The following CERS6 variants were observed in gnomAD, a reference collection of about 807,000 sequenced individuals.
CERS6 encodes the protein ceramide synthase 6.
Under a neutral mutation model 56.8 loss-of-function variants are expected in CERS6, and 26 were observed. The ratio of observed to expected loss-of-function variants is 0.46; its 90% confidence interval spans 0.34 to 0.63. The LOEUF is 0.63. Among genes scored for constraint, CERS6 ranks in the 30% least tolerant of loss-of-function variants. The pLI is 0.01. For synonymous variants in CERS6, 164 were observed against 173.3 expected (o/e 0.95, Z 0.42); for missense variants, 415 against 467.5 (o/e 0.89, Z 1.04).
At chr2:168,751,160 T>C (rs951763746) in intron 8 of CERS6, among the ~76,000 whole-genome samples, 6 of 152,302 alleles carry the variant, frequency 3.9e-5, no homozygotes, top group African/African-American at 1.4e-4. Context: ...GCAGGAAGTG[T>C]CAGGTTAAAA....
intron 3 of CERS6, among the ~76,000 whole-genome samples, chr2:168,579,299 CT>C (rs928697128): frequency 1.3e-5 from 2 of 151,044 alleles, no homozygotes; most frequent in African/African-American, 4.9e-5. Flanking sequence ...GCAGCCCTCA[CT>C]TTTTTTTTAT....
chr2:168,653,035 A>G (rs993538295), intron 4 of CERS6, among the ~76,000 whole-genome samples: 2 of 152,262 alleles, frequency 1.3e-5, no homozygotes, highest in Non-Finnish European at 2.9e-5. Flanking sequence ...AATAAAATGC[A>G]CATGAAGTCT....
At chr2:168,517,936 G>C (rs1285596585) in intron 1 of CERS6, among the ~76,000 whole-genome samples, 1 of 152,138 alleles carries the variant, frequency 6.6e-6, no homozygotes, top group Non-Finnish European at 1.5e-5. Flanking sequence ...TAAGATGCGT[G>C]CCCTTAATCA....
At chr2:168,671,885 G>A (rs1278646792) in intron 4 of CERS6, among the ~76,000 whole-genome samples, 4 of 152,106 alleles carry the variant, frequency 2.6e-5, no homozygotes, top group Non-Finnish European at 5.9e-5. Context: ...TATTTTTATG[G>A]TGGCAAAACC....
intron 4 of CERS6, among the ~76,000 whole-genome samples, chr2:168,631,559 T>TTATATATTAAATATAATATATATTTAA (rs1158569265): frequency 1.7e-5 from 2 of 117,808 alleles, no homozygotes; most frequent in African/African-American, 6.7e-5. Context: ...TTTTTAATAT[T>TTATATATTAAATATAATATATATTTAA]TATATATTAA....
intron 3 of CERS6, among the ~76,000 whole-genome samples, chr2:168,572,440 A>G (rs1342259247): frequency 3.3e-5 from 5 of 152,094 alleles, no homozygotes; most frequent in Admixed American, 3.3e-4. Flanking sequence ...ACCTGACCCA[A>G]CACCACACAG....
chr2:168,629,611 A>T (rs1304481592), intron 3 of CERS6, among the ~76,000 whole-genome samples: 1 of 152,148 alleles, frequency 6.6e-6, no homozygotes, highest in African/African-American at 2.4e-5. Context: ...CTTGTTCAAC[A>T]ACTATTAAGA....
intron 8 of CERS6, among the ~76,000 whole-genome samples, chr2:168,729,231 A>C (rs1683445797): frequency 6.6e-6 from 1 of 152,184 alleles, no homozygotes; most frequent in Non-Finnish European, 1.5e-5. Context: ...GAGTGTCGTA[A>C]TAAAGTCTCA....
At chr2:168,733,908 C>CA (rs1683631734) in intron 8 of CERS6, among the ~76,000 whole-genome samples, 1 of 152,108 alleles carries the variant, frequency 6.6e-6, no homozygotes, top group Non-Finnish European at 1.5e-5. Flanking sequence ...ATCAGATTGC[C>CA]AATACTTTGC....
intron 9 of CERS6, chr2:168,766,353 TCTC>T (rs769187820): frequency 1.3e-6 from 2 of 1,597,680 alleles, no homozygotes; most frequent in Non-Finnish European, 1.7e-6. Flanking sequence ...CATGTAAGTT[TCTC>T]CTCCTCTCTC....
chr2:168,502,417 A>G (rs971949842), intron 1 of CERS6, among the ~76,000 whole-genome samples: 1 of 152,148 alleles, frequency 6.6e-6, no homozygotes, highest in Non-Finnish European at 1.5e-5. Context: ...GTAGAGGGTC[A>G]AGTATCCATA....
chr2:168,740,455 C>G (rs1683861598), intron 8 of CERS6, among the ~76,000 whole-genome samples: 1 of 152,160 alleles, frequency 6.6e-6, no homozygotes, highest in South Asian at 2.1e-4. Flanking sequence ...ACATTTCAGT[C>G]CTTGCCCTTA....
intron 4 of CERS6, among the ~76,000 whole-genome samples, chr2:168,688,268 A>G (rs1255971873): frequency 6.6e-6 from 1 of 152,116 alleles, no homozygotes; most frequent in African/African-American, 2.4e-5. Context: ...GTGATAGAAT[A>G]TATGGATTTT....
Position 168,495,900 on chromosome 2 carries a change from T to C in CERS6, c.170+39282T>C, listed in dbSNP as rs558552681. Among the ~76,000 whole-genome samples the C allele has an allele frequency of 1.1e-4, 16 of 152,330 alleles. No homozygotes were observed. The South Asian group carries it at 3.3e-3, about 32-fold the overall frequency. ...AAAATTCAACAGGTACAAAAAGGTA[T>C]TCCCCAAAACTTAAGTCTCCATCCC... On this transcript the variant is annotated intron_variant, in intron 1 of 9. Coordinates refer to ENST00000305747, the MANE Select transcript of CERS6 (RefSeq NM_203463.3).
At chr2:168,537,382 G>C (rs1695283880) in intron 1 of CERS6, among the ~76,000 whole-genome samples, 1 of 152,170 alleles carries the variant, frequency 6.6e-6, no homozygotes, top group Non-Finnish European at 1.5e-5. Context: ...TTTCTGAGCA[G>C]AGTGTATGAC....
At position 168,547,690 on chromosome 2, in the gene CERS6, G is replaced by T; in HGVS notation, c.265G>T (p.Ala89Ser). ...TGCCATTCTGGAAAAGGTCTTCACTGCAATTACAAAGGTATGATTGTCCTT... is the reference window on the plus strand; with the variant it reads ...TGCCATTCTGGAAAAGGTCTTCACTTCAATTACAAAGGTATGATTGTCCTT... ...PNAILEKVFT[A>S]ITKHPDEKRL... is the part of the protein sequence containing the mutation. The change falls in exon 2 of 10, where the codon GCA becomes TCA. Residue 89 changes from alanine to serine, a missense_variant. Ala to Ser is a moderately conservative substitution (Grantham distance 99). Coordinates refer to ENST00000305747, the MANE Select transcript of CERS6 (RefSeq NM_203463.3). 6.2e-7 allele frequency: 1 copy of T among 1,604,320 alleles called. No homozygotes were observed. Among genetic ancestry groups the T allele is most frequent in the Non-Finnish European group, 8.5e-7 (1 of 1,171,028 alleles).
intron 4 of CERS6, among the ~76,000 whole-genome samples, chr2:168,684,815 C>A (rs1288181142): frequency 6.6e-6 from 1 of 152,136 alleles, no homozygotes; most frequent in Non-Finnish European, 1.5e-5. Context: ...TTTCCTCCTG[C>A]CTTGGACTAA....
chr2:168,470,212 CAAAAAA>C (rs752453936), intron 1 of CERS6, among the ~76,000 whole-genome samples: 2,234 of 105,652 alleles, frequency 0.021, 39 homozygotes, highest in African/African-American at 0.054. Context: ...CCAACTCTAC[CAAAAAA>C]AAAAAAAAAA....
intron 3 of CERS6, among the ~76,000 whole-genome samples, chr2:168,563,898 T>G (rs1200678686): frequency 1.3e-5 from 2 of 151,774 alleles, no homozygotes; most frequent in Admixed American, 1.3e-4. Flanking sequence ...GCACGGGGGG[T>G]TTGCTGGGAT....
Sources: allele counts gnomAD v4.1 joint callset (sites outside exome capture counted in the v4.1 genomes callset), GRCh38; gene constraint gnomAD v4.1.1; transcripts MANE v1.5; gene names NCBI Gene and HGNC (gene_info 2026-07-23, HGNC 2026-07-21).